The following GLRA3 variants were observed in gnomAD, a reference collection of about 807,000 sequenced individuals.
GLRA3 encodes the protein glycine receptor subunit alpha-3.
In GLRA3, 44 loss-of-function variants were observed where a neutral mutation model predicts 60.4. The observed-to-expected ratio is 0.73, with a 90% confidence interval of 0.57 to 0.94. The LOEUF is 0.94. Ranked by LOEUF, GLRA3 falls within the 40% of genes least tolerant of loss-of-function variation. The pLI is 0.00. For synonymous variants in GLRA3, 223 were observed against 192.9 expected (o/e 1.16, Z -1.29); for missense variants, 508 against 564.6 (o/e 0.90, Z 1.02).
At chr4:174,752,693 A>G (rs1450722061) in intron 3 of GLRA3, among the ~76,000 whole-genome samples, 3 of 152,184 alleles carry the variant, frequency 2.0e-5, no homozygotes, top group Non-Finnish European at 4.4e-5. Context: ...TACTTCATTA[A>G]TATCCATAGT....
In GLRA3 at chr4:174,643,765, C is replaced by T. The variant is rs1448153407; in HGVS notation, c.*21G>A. ...CACTTTCTTCTGAATTGACCATTTG[C>T]ATTTGCATGCCCCCAGAGACTTAAT... On this transcript the variant is annotated 3_prime_UTR_variant, in exon 10 of 10. Transcript: ENST00000274093. 1.2e-6 allele frequency: 2 copies of T among 1,603,272 alleles called. No homozygotes were observed. The highest frequency in any genetic ancestry group is 1.7e-5 in the Admixed American group (1 of 58,980).
intron 5 of GLRA3, among the ~76,000 whole-genome samples, chr4:174,683,322 T>A (rs35817385): frequency 6.6e-6 from 1 of 151,912 alleles, no homozygotes; most frequent in African/African-American, 2.4e-5. Context: ...ACTTTCTCAA[T>A]AAAAACTGAA....
intron 1 of GLRA3, among the ~76,000 whole-genome samples, chr4:174,819,440 T>C (rs984516217): frequency 2.0e-5 from 3 of 152,208 alleles, no homozygotes; most frequent in African/African-American, 7.2e-5. Flanking sequence ...CTATTCCACA[T>C]GGAAACTGTG....
intron 2 of GLRA3, among the ~76,000 whole-genome samples, chr4:174,780,211 C>A: frequency 7.1e-6 from 1 of 140,104 alleles, no homozygotes; most frequent in Non-Finnish European, 1.6e-5. Flanking sequence ...TCCAGCCAAA[C>A]TAAGCTTCAT....
intron 4 of GLRA3, among the ~76,000 whole-genome samples, chr4:174,723,150 T>G (rs1403460816): frequency 6.6e-6 from 1 of 152,116 alleles, no homozygotes; most frequent in African/African-American, 2.4e-5. Context: ...CCAGGGGACA[T>G]AGTAGCAAGA....
At chr4:174,718,959 C>CTTTTTTTTTTTT (rs10656765) in intron 4 of GLRA3, among the ~76,000 whole-genome samples, 3 of 81,080 alleles carry the variant, frequency 3.7e-5, no homozygotes, top group African/African-American at 4.9e-5. Context: ...AGATTTCGTG[C>CTTTTTTTTTTTT]TTTTTTTTTT....
At chr4:174,769,273 C>T (rs979588463) in intron 2 of GLRA3, among the ~76,000 whole-genome samples, 2 of 151,834 alleles carry the variant, frequency 1.3e-5, no homozygotes, top group African/African-American at 4.8e-5. Context: ...TTCTGTCTTC[C>T]TGTTATCCAA....
At chr4:174,688,834 G>A (rs1734669352) in intron 5 of GLRA3, among the ~76,000 whole-genome samples, 1 of 152,078 alleles carries the variant, frequency 6.6e-6, no homozygotes, top group Non-Finnish European at 1.5e-5. Context: ...GAGGGAATAT[G>A]TAAATGAAGA....
At chr4:174,688,540 T>G (rs1734649029) in intron 5 of GLRA3, among the ~76,000 whole-genome samples, 1 of 149,826 alleles carries the variant, frequency 6.7e-6, no homozygotes. Flanking sequence ...GCTTGAATAT[T>G]TGAATTAGAA....
At chr4:174,808,422 C>T (rs1000478568) in intron 1 of GLRA3, among the ~76,000 whole-genome samples, 3 of 152,106 alleles carry the variant, frequency 2.0e-5, no homozygotes, top group African/African-American at 7.2e-5. Context: ...AACAAACCTA[C>T]AGCATTGCCA....
Position 174,638,124 on chromosome 4 carries a change from A to G in GLRA3, c.*5662T>C, listed in dbSNP as rs1732542588. On this transcript the variant is annotated 3_prime_UTR_variant, in exon 10 of 10. Coordinates refer to ENST00000274093, the MANE Select transcript of GLRA3 (RefSeq NM_006529.4). ...TTTCTTGATGAAGATTAACATTTTT[A>G]TCATCTAGAGTTATGTCACAATGGA... 1 of 151,694 alleles carries G rather than the reference A, an allele frequency of 6.6e-6. No individual in the cohort carries two copies. Among genetic ancestry groups the G allele is most frequent in the Non-Finnish European group, 1.5e-5 (1 of 68,020 alleles). The allele number at this position is 151,694 out of a possible 1,614,324, so 9.4% of individuals were successfully genotyped here. A position where few individuals can be genotyped will look rare whatever the true frequency, so the allele number is the denominator to read the frequency against.
chr4:174,700,623 G>C (rs1290380000), intron 5 of GLRA3, among the ~76,000 whole-genome samples: 3 of 152,172 alleles, frequency 2.0e-5, no homozygotes. Context: ...GCTTAGATAG[G>C]ATGAAAGCTA....
intron 8 of GLRA3, 87 bp from the exon 9 acceptor site, chr4:174,656,874 TA>T (rs1277695099): frequency 1.3e-6 from 1 of 766,094 alleles, no homozygotes; most frequent in African/African-American, 1.7e-5. Context: ...CAATTGGTTG[TA>T]ATTGTATATA....
intron 4 of GLRA3, among the ~76,000 whole-genome samples, chr4:174,719,076 G>A (rs974546791): frequency 6.9e-6 from 1 of 144,144 alleles, no homozygotes; most frequent in East Asian, 2.1e-4. Context: ...CCATTCTCCT[G>A]CCTCAGCCTC....
Position 174,638,176 on chromosome 4 carries a change from G to C in GLRA3, c.*5610C>G, listed in dbSNP as rs1248099194. On this transcript the variant is annotated 3_prime_UTR_variant, in exon 10 of 10. Coordinates refer to ENST00000274093, the MANE Select transcript of GLRA3 (RefSeq NM_006529.4). ...CAGAAGACTGCCCTCAGAGTAATGA[G>C]CTACCTGTTGCTATCTGGGTGCTCG... 1 of 152,078 alleles carries C rather than the reference G, an allele frequency of 6.6e-6. No homozygotes were observed. Among genetic ancestry groups the C allele is most frequent in the Non-Finnish European group, 1.5e-5 (1 of 68,020 alleles). 9.4% of individuals were successfully genotyped at this position (152,078 alleles called of 1,614,324 possible).
intron 1 of GLRA3, among the ~76,000 whole-genome samples, chr4:174,808,089 A>T (rs1740119811): frequency 6.6e-6 from 1 of 152,118 alleles, no homozygotes; most frequent in African/African-American, 2.4e-5. Flanking sequence ...TATGGAATGT[A>T]TTGCAAAGAG....
chr4:174,705,105 G>A lies in GLRA3; in HGVS notation c.574+10383C>T, dbSNP rs1219790109. Among the ~76,000 whole-genome samples, 2 of 144,254 alleles carry A rather than the reference G, an allele frequency of 1.4e-5. 1 individual carries two copies. Among genetic ancestry groups the A allele is most frequent in the Non-Finnish European group, 3.1e-5 (2 of 64,832 alleles). The allele number at this position is 144,254 out of a possible 152,430, so 94.6% of individuals were successfully genotyped here. On this transcript the variant is annotated intron_variant, in intron 5 of 9. Transcript: ENST00000274093. ...GTTTGTATATTGTTATACTTTGAAT[G>A]TTTGTCCCTTCATAACTCATGTTTA...
chr4:174,828,352 A>G (rs987815198), intron 1 of GLRA3, among the ~76,000 whole-genome samples: 4 of 152,184 alleles, frequency 2.6e-5, no homozygotes, highest in Non-Finnish European at 5.9e-5. Context: ...TTCTGCATTA[A>G]AAAAAGTAAT....
intron 7 of GLRA3, among the ~76,000 whole-genome samples, chr4:174,670,127 A>T (rs181331704): frequency 6.6e-6 from 1 of 152,246 alleles, no homozygotes; most frequent in Admixed American, 6.5e-5. Context: ...TCAAATCTAG[A>T]TGTCACTGAA....
Sources: allele counts gnomAD v4.1 joint callset (sites outside exome capture counted in the v4.1 genomes callset), GRCh38; gene constraint gnomAD v4.1.1; transcripts MANE v1.5; gene names NCBI Gene and HGNC (gene_info 2026-07-23, HGNC 2026-07-21).